AVIL: variants seen among roughly 807,000 people sequenced by gnomAD.
The protein encoded by AVIL is advillin.
A neutral mutation model predicts 109.9 loss-of-function variants in AVIL; 78 were observed. That is an observed-to-expected ratio of 0.71 (90% CI 0.59 to 0.86). The LOEUF is 0.86. Among genes scored for constraint, AVIL ranks in the 40% least tolerant of loss-of-function variants. AVIL has a pLI of 0.00. For synonymous variants in AVIL, 367 were observed against 379.1 expected, an observed-to-expected ratio of 0.97 and a Z score of 0.37; for missense variants, 892 against 1,016.5, an observed-to-expected ratio of 0.88 and a Z score of 1.67.
chr12:57,813,974 C>T (rs977343603), intron 3 of AVIL, among the ~76,000 whole-genome samples, 178 bp downstream of exon 3: 1 of 152,130 alleles, frequency 6.6e-6, no homozygotes, highest in Non-Finnish European at 1.5e-5. Context: ...GCATTAAAAA[C>T]CCAGGCTTAA....
intron 2 of AVIL, chr12:57,814,557 C>T (rs1406019090): frequency 1.1e-5 from 3 of 273,452 alleles, no homozygotes; most frequent in East Asian, 8.0e-5. Context: ...TGGATATAAA[C>T]GACCAAGTAC....
chr12:57,809,670 C>A lies in AVIL; in HGVS notation c.866G>T (p.Gly289Val), dbSNP rs761110434. The A allele has an allele frequency of 6.2e-7, 1 of 1,614,040 alleles. No individual in the cohort carries two copies. Among genetic ancestry groups the A allele is most frequent in the African/African-American group, 1.3e-5 (1 of 74,924 alleles). ...HDDCYILDQS[G>V]TKIYVWKGKG... ...TCCTTTCCACACGTAGATTTTGGTT[C>A]CACTTTGGTCCAGGATGTAGCAGTC... Residue 289 changes from glycine to valine, a missense_variant, in exon 9 of 20, where the codon GGA (glycine) becomes GTA (valine). Transcript: ENST00000549994.
chr12:57,817,830 C>G (rs1267374527), intron 1 of AVIL, among the ~76,000 whole-genome samples: 2 of 152,292 alleles, frequency 1.3e-5, no homozygotes, highest in East Asian at 3.9e-4. Flanking sequence ...ACAGAAAACA[C>G]AGTTCTGACA....
At chr12:57,807,566 A>C (rs1482959780) in intron 12 of AVIL, 24 bp downstream of exon 12, 1 of 1,614,252 alleles carries the variant, frequency 6.2e-7, no homozygotes, top group Admixed American at 1.7e-5. Flanking sequence ...CAGGATCCAA[A>C]GCTGAAGCCT....
Position 57,816,053 on chromosome 12 carries a change from T to C in AVIL, c.-13A>G, listed in dbSNP as rs1191979193. ...TGGTCAGAGGCATGATGCTTGTCTT[T>C]CCAGGACTGAAACATCACAGAACAA... On this transcript the variant is annotated 5_prime_UTR_variant, in exon 2 of 20. Coordinates refer to ENST00000549994, the MANE Select transcript of AVIL (RefSeq NM_006576.4). 1 of 1,608,902 alleles carries C rather than the reference T, an allele frequency of 6.2e-7. No individual in the cohort carries two copies. Among genetic ancestry groups the C allele is most frequent in the Non-Finnish European group, 8.5e-7 (1 of 1,177,574 alleles).
intron 2 of AVIL, chr12:57,814,748 T>C (rs1335590579): frequency 6.4e-6 from 1 of 155,292 alleles, no homozygotes; most frequent in Non-Finnish European, 1.4e-5. Context: ...GTCTTATATT[T>C]GGAGTCTGGG....
intron 1 of AVIL, chr12:57,816,428 C>G (rs994843786): frequency 1.1e-5 from 2 of 178,410 alleles, no homozygotes; most frequent in African/African-American, 4.8e-5. Context: ...TTGTGTGAAT[C>G]TGAGGTTTGC....
At chr12:57,806,133 CTTT>C (rs372846869) in intron 14 of AVIL, 327 of 142,146 alleles carry the variant, frequency 2.3e-3, no homozygotes, top group Middle Eastern at 7.7e-3. Flanking sequence ...CCGTGCCCAG[CTTT>C]TTTTTTTTTT....
chr12:57,806,133 CT>C (rs372846869), intron 14 of AVIL: 4,501 of 141,692 alleles, frequency 0.032, no homozygotes, highest in South Asian at 0.082. Flanking sequence ...CCGTGCCCAG[CT>C]TTTTTTTTTT....
intron 4 of AVIL, among the ~76,000 whole-genome samples, chr12:57,812,389 G>A (rs141061731): frequency 1.8e-4 from 27 of 152,030 alleles, no homozygotes; most frequent in Middle Eastern, 6.8e-3. Flanking sequence ...TTGAGATGGT[G>A]TCTTGCTGTG....
At chr12:57,799,683 G>A (rs1955806825) in intron 19 of AVIL, 112 bp downstream of exon 19, 2 of 1,458,898 alleles carry the variant, frequency 1.4e-6, no homozygotes, top group Non-Finnish European at 1.9e-6. Flanking sequence ...TAGCTCAGAT[G>A]TCCATTGAGC....
In AVIL at chr12:57,807,528, G is replaced by A. The variant is rs144912746; in HGVS notation, c.1333-39C>T. 9 of 1,614,192 alleles carry A rather than the reference G, an allele frequency of 5.6e-6. No homozygotes were observed. In the East Asian group the frequency reaches 1.8e-4, roughly 32 times the overall value. On this transcript the variant is annotated intron_variant, in intron 12 of 19. Coordinates refer to ENST00000549994, the MANE Select transcript of AVIL (RefSeq NM_006576.4). ...AGGCCATGAAGGACCCATGCTCCCCGCCCCAGCCCAGTGGCCAGAGGACAC... is the reference window on the plus strand; with the variant it reads ...AGGCCATGAAGGACCCATGCTCCCCACCCCAGCCCAGTGGCCAGAGGACAC...
chr12:57,815,852 C>A, intron 2 of AVIL, 123 bp downstream of exon 2: 1 of 1,552,460 alleles, frequency 6.4e-7, no homozygotes, highest in East Asian at 2.4e-5. Context: ...TTTGATGCTG[C>A]CTCTCATTCT....
chr12:57,809,472 T>C, intron 9 of AVIL, 125 bp downstream of exon 9: 1 of 1,101,836 alleles, frequency 9.1e-7, no homozygotes. Context: ...CTGCCTGACT[T>C]TGCAGTCCAT....
intron 1 of AVIL, chr12:57,816,287 C>T: frequency 2.1e-6 from 1 of 472,600 alleles, no homozygotes; most frequent in Non-Finnish European, 3.8e-6. Context: ...TCCCACCTGC[C>T]ATTGCCCTTA....
intron 2 of AVIL, 65 bp from the exon 3 acceptor site, chr12:57,814,291 T>C: frequency 6.8e-7 from 1 of 1,481,238 alleles, no homozygotes; most frequent in South Asian, 1.2e-5. Context: ...TGAGCCTCCC[T>C]CTCCTCTCTG....
In AVIL at chr12:57,809,936, A is replaced by G. The variant is rs779211123; in HGVS notation, c.762-46T>C. On this transcript the variant is annotated intron_variant, in intron 7 of 19. Transcript: ENST00000549994. ...GCCTGTGCCTTTTCCTCTATAAAGC[A>G]TCTTGTAGTCAACTAGATGTTGTTC... 46 of 1,588,880 alleles carry G rather than the reference A, an allele frequency of 2.9e-5. 1 individual carries two copies. The highest frequency in any genetic ancestry group is 3.3e-5 in the South Asian group (3 of 90,070).
chr12:57,803,938 T>G (rs1225704179), intron 14 of AVIL: 3 of 361,790 alleles, frequency 8.3e-6, no homozygotes, highest in African/African-American at 4.2e-5. Flanking sequence ...TTTAGGCACC[T>G]ACTTTTGATT....
chr12:57,817,263 A>T (rs1956110755), intron 1 of AVIL, among the ~76,000 whole-genome samples: 1 of 151,704 alleles, frequency 6.6e-6, no homozygotes. Flanking sequence ...GACTGTATGC[A>T]TTTTTGCTGT....
Sources: allele counts gnomAD v4.1 joint callset (sites outside exome capture counted in the v4.1 genomes callset), GRCh38; gene constraint gnomAD v4.1.1; transcripts MANE v1.5; gene names NCBI Gene and HGNC (gene_info 2026-07-23, HGNC 2026-07-21).